Variants in MED12L observed in about 807,000 individuals in gnomAD.
MED12L encodes mediator complex subunit 12L.
MED12L carries 60 observed loss-of-function variants against 281.3 expected under a neutral mutation model. That is an observed-to-expected ratio of 0.21 (90% CI 0.17 to 0.26). The LOEUF (loss-of-function observed/expected upper bound fraction) is 0.26. MED12L is among the 10% of genes least tolerant of loss of function. The probability of loss-of-function intolerance (pLI) is 1.00; values close to 1 mark genes in which losing one functional copy is unlikely to be tolerated. For synonymous variants in MED12L, 974 were observed against 987.2 expected (o/e 0.99, Z 0.25); for missense variants, 2,146 against 2,680.9 (o/e 0.80, Z 4.41).
intron 39 of MED12L, among the ~76,000 whole-genome samples, chr3:151,406,669 A>C (rs1363989108): frequency 6.6e-6 from 1 of 152,224 alleles, no homozygotes; most frequent in Non-Finnish European, 1.5e-5. Flanking sequence ...TGAACATGGT[A>C]TAAAACTATA....
intron 16 of MED12L, among the ~76,000 whole-genome samples, chr3:151,320,379 G>T (rs563780488): frequency 3.9e-5 from 6 of 152,136 alleles, no homozygotes; most frequent in Non-Finnish European, 8.8e-5. Context: ...TTTCCATGTG[G>T]CTGGAACATG....
intron 27 of MED12L, among the ~76,000 whole-genome samples, chr3:151,374,642 A>G (rs916092441): frequency 6.6e-6 from 1 of 152,168 alleles, no homozygotes; most frequent in Non-Finnish European, 1.5e-5. Flanking sequence ...TTGCAATTCC[A>G]TTTTCTCTAA....
At chr3:151,381,925 C>T (rs568084417) in intron 32 of MED12L, among the ~76,000 whole-genome samples, 71 of 152,286 alleles carry the variant, frequency 4.7e-4, no homozygotes, top group Non-Finnish European at 8.2e-4. Context: ...TAAGATGACT[C>T]TCATTAATGA....
rs1369939524 is a variant in MED12L at position 151,365,968 on chromosome 3, A to G, written c.3304A>G (p.Asn1102Asp). Residue 1102 changes from asparagine to aspartate, a missense_variant, in exon 23 of 45, where the codon AAT becomes GAT. Physicochemically the swap from Asn to Asp is conservative, Grantham distance 23 (BLOSUM62 1). This residue lies in a region of MED12L where 404 missense variants were observed against 603.5 expected (regional missense o/e 0.67). Transcript: ENST00000687756. ...CCSSNHVWGF[N>D]DVLCTVDVSD... ...TTCTTCAAATCACGTGTGGGGGTTTAATGATGTACTTTGCACTGTAGATGT... is the reference window on the plus strand; with the variant it reads ...TTCTTCAAATCACGTGTGGGGGTTTGATGATGTACTTTGCACTGTAGATGT... The G allele has an allele frequency of 6.2e-7, 1 of 1,611,404 alleles. No homozygotes were observed.
chr3:151,406,550 A>C (rs1716331480), intron 39 of MED12L, among the ~76,000 whole-genome samples: 1 of 152,150 alleles, frequency 6.6e-6, no homozygotes, highest in Admixed American at 6.5e-5. Context: ...TATTTTCCAT[A>C]CTTAAGTAGT....
chr3:151,215,963 C>G (rs919131983), intron 16 of MED12L, among the ~76,000 whole-genome samples: 2 of 152,124 alleles, frequency 1.3e-5, no homozygotes, highest in Non-Finnish European at 2.9e-5. Flanking sequence ...TTCTCTTTAT[C>G]CTCAAGGCCT....
At chr3:151,150,832 AGATTCC>A (rs1052619221) in intron 5 of MED12L, among the ~76,000 whole-genome samples, 6 of 152,136 alleles carry the variant, frequency 3.9e-5, no homozygotes, top group Admixed American at 1.3e-4. Flanking sequence ...AGCTCCTGCT[AGATTCC>A]GACTTTTCTT....
At chr3:151,246,927 A>G (rs192910841) in intron 16 of MED12L, among the ~76,000 whole-genome samples, 95 of 152,338 alleles carry the variant, frequency 6.2e-4, no homozygotes, top group Middle Eastern at 3.4e-3. Context: ...TTACAAGAAA[A>G]AAACAAACAA....
intron 3 of MED12L, among the ~76,000 whole-genome samples, chr3:151,122,088 C>A (rs1400252627): frequency 6.6e-6 from 1 of 151,788 alleles, no homozygotes; most frequent in Non-Finnish European, 1.5e-5. Flanking sequence ...TTCTTTTTTC[C>A]TTGTCCATCT....
chr3:151,417,484 C>CA (rs1560144219), intron 43 of MED12L, among the ~76,000 whole-genome samples: 1 of 87,482 alleles, frequency 1.1e-5, no homozygotes, highest in African/African-American at 4.1e-5. Context: ...GCTCCCCCCC[C>CA]GCCTTTTTTT....
At chr3:151,404,954 G>A (rs1378474399) in intron 39 of MED12L, among the ~76,000 whole-genome samples, 2 of 152,140 alleles carry the variant, frequency 1.3e-5, no homozygotes, top group African/African-American at 4.8e-5. Context: ...TTAAGACACA[G>A]AAGAATGAAA....
intron 16 of MED12L, among the ~76,000 whole-genome samples, chr3:151,231,534 C>A (rs546774865): frequency 1.3e-5 from 2 of 152,254 alleles, no homozygotes; most frequent in South Asian, 4.1e-4. Flanking sequence ...AATGAGCAAT[C>A]AGACAAATTT....
Position 151,380,127 on chromosome 3 carries a change from G to A in MED12L, c.4493G>A (p.Ser1498Asn). 3 of 1,597,818 alleles carry A rather than the reference G, an allele frequency of 1.9e-6. No individual in the cohort carries two copies. The highest frequency in any genetic ancestry group is 1.4e-5 in the African/African-American group (1 of 73,790). ...RQKQKSMSLL[S>N]QQPFLSLVLT... ...TTCCTTTGTAGTATGTCTCTTTTGAGTCAACAACCCTTCCTCTCACTGGTA... is the reference window on the plus strand; with the variant it reads ...TTCCTTTGTAGTATGTCTCTTTTGAATCAACAACCCTTCCTCTCACTGGTA... The change falls in exon 32 of 45, where the codon AGT becomes AAT. Residue 1498 changes from serine (S) to asparagine (N), a missense_variant. Physicochemically the swap from Ser to Asn is conservative, Grantham distance 46 (BLOSUM62 1). Transcript: ENST00000687756.
intron 22 of MED12L, 23 bp from the exon 23 acceptor site, chr3:151,365,827 T>G: frequency 6.3e-7 from 1 of 1,587,238 alleles, no homozygotes; most frequent in South Asian, 1.1e-5. Flanking sequence ...GGTTACTTTC[T>G]GTGTCTTCTT....
chr3:151,165,743 TA>T (rs958310277), intron 10 of MED12L, 102 bp from the exon 11 acceptor site: 298 of 1,259,058 alleles, frequency 2.4e-4, no homozygotes, highest in Non-Finnish European at 2.9e-4. Flanking sequence ...GAATGATAAT[TA>T]AAAAAAAATT....
intron 16 of MED12L, among the ~76,000 whole-genome samples, chr3:151,289,663 A>G (rs953504138): frequency 2.6e-5 from 4 of 152,142 alleles, no homozygotes; most frequent in African/African-American, 7.2e-5. Context: ...TATACATGCT[A>G]TGTGTTTGTC....
intron 16 of MED12L, among the ~76,000 whole-genome samples, chr3:151,317,300 T>G: frequency 6.6e-6 from 1 of 152,096 alleles, no homozygotes; most frequent in East Asian, 1.9e-4. Context: ...TACACAATGA[T>G]AAGTATTCAA....
At chr3:151,426,820 CT>C (rs34363787) in intron 43 of MED12L, among the ~76,000 whole-genome samples, 115,000 of 142,576 alleles carry the variant, frequency 0.81, 46,249 homozygotes, top group Middle Eastern at 0.94. Context: ...CATGGTTTTA[CT>C]TTTTTTTTTT....
rs772276870 is a variant in MED12L at position 151,185,358 on chromosome 3, C to T, written c.1523C>T (p.Thr508Met). 1.5e-5 allele frequency: 25 copies of T among 1,613,794 alleles called. 1 individual carries two copies. Among genetic ancestry groups the T allele is most frequent in the South Asian group, 1.2e-4 (11 of 91,030 alleles). The stretch of plus-strand genomic sequence containing the variant: ...GCGCCCAACGATGAAGCTGTGGTGA[C>T]GCTGTTATGTGAATGGGCCGTGAGC... ...EVAPNDEAVV[T>M]LLCEWAVSCK... The change falls in exon 12 of 45, where the codon ACG becomes ATG. Residue 508 changes from threonine (T) to methionine (M), a missense_variant. Physicochemically the swap from Thr to Met is moderately conservative, Grantham distance 81 (BLOSUM62 -1). Transcript: ENST00000687756.
Sources: gnomAD v4.1 joint callset for allele counts (sites outside exome capture counted in the v4.1 genomes callset) on GRCh38, gnomAD v4.1.1 for gene constraint, gnomAD v4.1.1 regional missense constraint, MANE v1.5 for transcripts, NCBI Gene and HGNC (gene_info 2026-07-23, HGNC 2026-07-21) for gene names.